Variants in CACNA1A observed in about 807,000 individuals in gnomAD.
CACNA1A encodes the protein calcium voltage-gated channel subunit alpha1 A.
A neutral mutation model predicts 262.4 loss-of-function variants in CACNA1A; 57 were observed. The observed-to-expected ratio is 0.22, with a 90% CI of 0.18 to 0.27. The LOEUF (loss-of-function observed/expected upper bound fraction) is 0.27. CACNA1A is among the 10% of genes least tolerant of loss of function. CACNA1A has a pLI of 1.00. For missense variants in CACNA1A, 2,526 were observed against 3,562.8 expected, an observed-to-expected ratio of 0.71 and a Z score of 7.41; for synonymous variants, 1,431 against 1,419.3, an observed-to-expected ratio of 1.01 and a Z score of -0.18.
rs771351347 is a variant in CACNA1A, at chr19:13,298,741, G to C, written c.2892C>G (p.Pro964=). Residue 964 remains proline (P), a synonymous_variant, in exon 19 of 47, where the codon CCC becomes CCG. Transcript: ENST00000360228. ...CCTTGTCCTCCGGACCCTCCTCCCC[G>C]GGCCTGCGGTGCGCGCGATGACGTC... is the stretch of plus-strand genomic sequence containing the variant. The part of the protein sequence containing the change: ...EHRRHRAHRR[P]GEEGPEDKAE... The C allele has an allele frequency of 1.0e-5, 15 of 1,503,522 alleles. No individual in the cohort carries two copies. In the East Asian group the frequency reaches 2.5e-4, roughly 25 times the overall value. 93.1% of individuals were successfully genotyped at this position (1,503,522 alleles called of 1,614,324 possible). A position where few individuals can be genotyped will look rare whatever the true frequency, so the allele number is the denominator to read the frequency against.
chr19:13,275,769 A>T (rs2057132565), intron 24 of CACNA1A, 81 bp downstream of exon 24: 1 of 947,894 alleles, frequency 1.1e-6, no homozygotes, highest in Non-Finnish European at 1.7e-6. Flanking sequence ...GACCCTGAGA[A>T]CATGTCCTGT....
chr19:13,416,934 A>G (rs1185747666), intron 3 of CACNA1A, among the ~76,000 whole-genome samples: 2 of 152,202 alleles, frequency 1.3e-5, no homozygotes, highest in East Asian at 1.9e-4. Flanking sequence ...TTTTGCCACA[A>G]TCAAAACAAA....
chr19:13,225,456 A>G (rs754581702), intron 37 of CACNA1A: 3 of 152,312 alleles, frequency 2.0e-5, no homozygotes, highest in African/African-American at 4.8e-5. Flanking sequence ...TCTCTGTGCA[A>G]TGGCAGGGGG....
intron 1 of CACNA1A, among the ~76,000 whole-genome samples, chr19:13,499,555 T>C (rs1982120689): frequency 6.6e-6 from 1 of 152,028 alleles, no homozygotes. Flanking sequence ...ATTACGGCTC[T>C]GGCGTTTTGG....
chr19:13,221,218 TTTTC>T (rs138152221), intron 38 of CACNA1A, among the ~76,000 whole-genome samples: 1 of 25,654 alleles, frequency 3.9e-5, no homozygotes, highest in Non-Finnish European at 6.7e-5. Flanking sequence ...TTGTTTTTTC[TTTTC>T]TTTCTTTCTT....
At position 13,335,862 on chromosome 19, in the gene CACNA1A, G is replaced by A. The variant is rs1412349338; in HGVS notation, c.1026C>T (p.Pro342=). 6.2e-7 allele frequency: 1 copy of A among 1,610,778 alleles called. No individual in the cohort carries two copies. Among genetic ancestry groups the A allele is most frequent in the South Asian group, 1.1e-5 (1 of 90,232 alleles). The change falls in exon 7 of 47, where the codon CCC becomes CCT. Residue 342 remains proline (P), a synonymous_variant. Coordinates refer to ENST00000360228, the MANE Select transcript of CACNA1A (RefSeq NM_001127222.2). ...GNTWNWLYFI[P]LIIIGSFFML... ...TAAAAAAGGAGCCGATGATGATGAG[G>A]GGGATGAAGTACAACCAGTTCCAAG...
At chr19:13,396,708 G>A (rs973550356) in intron 3 of CACNA1A, among the ~76,000 whole-genome samples, 1 of 152,222 alleles carries the variant, frequency 6.6e-6, no homozygotes, top group African/African-American at 2.4e-5. Context: ...CGTGCAGTCC[G>A]TCACATGATG....
chr19:13,424,453 T>A (rs577630683), intron 3 of CACNA1A, among the ~76,000 whole-genome samples: 23 of 152,192 alleles, frequency 1.5e-4, no homozygotes, highest in African/African-American at 5.1e-4. Flanking sequence ...TTTTATTTTT[T>A]AACTTAATTT....
At chr19:13,484,063 G>T (rs1054036593) in intron 1 of CACNA1A, among the ~76,000 whole-genome samples, 1 of 152,124 alleles carries the variant, frequency 6.6e-6, no homozygotes, top group Non-Finnish European at 1.5e-5. Flanking sequence ...GAGTAATTGG[G>T]ATTGGGCTGA....
chr19:13,411,694 T>TTCTCTC (rs144610146), intron 3 of CACNA1A, among the ~76,000 whole-genome samples: 6 of 147,766 alleles, frequency 4.1e-5, no homozygotes, highest in South Asian at 2.2e-4. Context: ...CTCTTTCTCC[T>TTCTCTC]TCTCTCTCTC....
Position 13,209,324 on chromosome 19 carries a change from C to A in CACNA1A, c.6514G>T (p.Asp2172Tyr), listed in dbSNP as rs370289732. 8.6e-6 allele frequency: 12 copies of A among 1,400,290 alleles called. No individual in the cohort carries two copies. Among genetic ancestry groups the A allele is most frequent in the Middle Eastern group, 4.0e-4 (2 of 4,962 alleles). 86.7% of individuals were successfully genotyped at this position (1,400,290 alleles called of 1,614,324 possible). The part of the protein sequence containing the change: ...ASERSLGRYT[D>Y]VDTGLGTDLS... ...CAGGGCTGCCCACCTGTGTCCACATCGGTGTAGCGGCCCAGGGAGCGCTCA... is the reference window on the plus strand; with the variant it reads ...CAGGGCTGCCCACCTGTGTCCACATAGGTGTAGCGGCCCAGGGAGCGCTCA... The change falls in exon 45 of 47, where the codon GAT (aspartate) becomes TAT (tyrosine). Residue 2172 changes from aspartate (D) to tyrosine (Y), a missense_variant. Physicochemically the swap from Asp to Tyr is radical, Grantham distance 160. This residue lies in a region of CACNA1A where 929 missense variants were observed against 868.1 expected (regional missense o/e 1.07). Coordinates refer to ENST00000360228, the MANE Select transcript of CACNA1A (RefSeq NM_001127222.2).
intron 1 of CACNA1A, among the ~76,000 whole-genome samples, chr19:13,472,565 G>A (rs1243721346): frequency 7.2e-5 from 11 of 152,058 alleles, no homozygotes; most frequent in Non-Finnish European, 1.5e-4. Context: ...TTAACATGAT[G>A]AACTTGTTCC....
At chr19:13,356,133 T>C (rs1600410629) in intron 6 of CACNA1A, among the ~76,000 whole-genome samples, 1 of 152,310 alleles carries the variant, frequency 6.6e-6, no homozygotes, top group South Asian at 2.1e-4. Context: ...GTAAGACCTC[T>C]CACACCTCAC....
chr19:13,330,791 A>T (rs746886840), intron 9 of CACNA1A, among the ~76,000 whole-genome samples: 9 of 152,160 alleles, frequency 5.9e-5, no homozygotes, highest in Non-Finnish European at 1.3e-4. Context: ...GGGTTTTGCC[A>T]TGTTGGCCAG....
At chr19:13,276,185 A>C (rs955802030) in intron 23 of CACNA1A, among the ~76,000 whole-genome samples, 31 of 152,094 alleles carry the variant, frequency 2.0e-4, no homozygotes, top group African/African-American at 7.2e-4. Flanking sequence ...CGGCTCTTAG[A>C]TCCAAACTTT....
intron 36 of CACNA1A, chr19:13,227,742 G>C: frequency 1.7e-5 from 5 of 297,074 alleles, no homozygotes; most frequent in Non-Finnish European, 1.9e-5. Context: ...GGAAGAAAAG[G>C]TCAGTAAAAA....
chr19:13,337,959 CCTGCAATCCCAGCA>C (rs1306070775), intron 6 of CACNA1A, among the ~76,000 whole-genome samples: 1 of 152,156 alleles, frequency 6.6e-6, no homozygotes, highest in Admixed American at 6.5e-5. Context: ...GTGGCTCACG[CCTGCAATCCCAGCA>C]CTTTGGGAGG....
At chr19:13,299,669 C>G (rs995991283) in intron 18 of CACNA1A, among the ~76,000 whole-genome samples, 1 of 152,216 alleles carries the variant, frequency 6.6e-6, no homozygotes, top group African/African-American at 2.4e-5. Flanking sequence ...ACACAGGCCT[C>G]CTTCACATCA....
intron 5 of CACNA1A, chr19:13,365,096 A>G (rs899553682): frequency 2.5e-6 from 1 of 395,066 alleles, no homozygotes; most frequent in African/African-American, 2.0e-5. Context: ...ATCATTCCCA[A>G]ATAAACTCTT....
Sources: allele counts gnomAD v4.1 joint callset (sites outside exome capture counted in the v4.1 genomes callset), GRCh38; gene constraint gnomAD v4.1.1; regional missense constraint gnomAD v4.1.1; transcripts MANE v1.5; gene names NCBI Gene and HGNC (gene_info 2026-07-23, HGNC 2026-07-21).